TASP1: variants seen among roughly 807,000 people sequenced by gnomAD.
TASP1 encodes the protein threonine aspartase 1.
In TASP1, 16 loss-of-function variants were observed where a neutral mutation model predicts 56.6. That is an observed-to-expected ratio of 0.28 (90% CI 0.19 to 0.43). TASP1 has a LOEUF of 0.43. Among genes scored for constraint, TASP1 ranks in the 20% least tolerant of loss-of-function variants. The pLI is 1.00. For missense variants in TASP1, 393 were observed against 511.6 expected, an observed-to-expected ratio of 0.77 and a Z score of 2.24; for synonymous variants, 179 against 184.2, an observed-to-expected ratio of 0.97 and a Z score of 0.23.
At chr20:13,402,965 T>G (rs2041793132) in intron 13 of TASP1, among the ~76,000 whole-genome samples, 1 of 152,204 alleles carries the variant, frequency 6.6e-6, no homozygotes. Context: ...ATTACCTGGA[T>G]GGGTGAGCTT....
chr20:13,469,192 T>C (rs2044378218), intron 11 of TASP1, among the ~76,000 whole-genome samples: 1 of 152,184 alleles, frequency 6.6e-6, no homozygotes, highest in South Asian at 2.1e-4. Flanking sequence ...TATTACCAAA[T>C]TATTTCCAGT....
chr20:13,531,502 C>CT (rs1202792311), intron 9 of TASP1, among the ~76,000 whole-genome samples: 7 of 93,204 alleles, frequency 7.5e-5, no homozygotes, highest in African/African-American at 2.0e-4. Context: ...TTTTTTTTTT[C>CT]TTTTTTTTGA....
At chr20:13,162,116 A>G in the TASP1 span, among the ~76,000 whole-genome samples, 1 of 152,260 alleles carries the variant, frequency 6.6e-6, no homozygotes, top group East Asian at 1.9e-4. Flanking sequence ...AAAACTTTCA[A>G]GAAGTCTGAC....
the TASP1 span, among the ~76,000 whole-genome samples, chr20:13,334,357 T>C: frequency 1.3e-5 from 2 of 152,232 alleles, no homozygotes; most frequent in South Asian, 2.1e-4. Flanking sequence ...AATAATGCAT[T>C]TTGAAATGTG....
chr20:13,576,236 AGC>A, intron 6 of TASP1, among the ~76,000 whole-genome samples: 3 of 125,342 alleles, frequency 2.4e-5, no homozygotes, highest in East Asian at 2.5e-4. Flanking sequence ...AGGGGAGGGG[AGC>A]GGAGGGAAGG....
the TASP1 span, among the ~76,000 whole-genome samples, chr20:13,149,263 G>C: frequency 2.6e-5 from 4 of 152,218 alleles, no homozygotes; most frequent in East Asian, 7.7e-4. Flanking sequence ...GTCTTGAAGG[G>C]GATGTGGCCG....
At chr20:13,459,263 G>A (rs1408282024) in intron 11 of TASP1, among the ~76,000 whole-genome samples, 2 of 152,120 alleles carry the variant, frequency 1.3e-5, no homozygotes, top group African/African-American at 2.4e-5. Flanking sequence ...CACCTCTTGC[G>A]TGAACCTCAC....
chr20:13,320,617 G>A, the TASP1 span, among the ~76,000 whole-genome samples: 1 of 152,154 alleles, frequency 6.6e-6, no homozygotes, highest in Non-Finnish European at 1.5e-5. Flanking sequence ...CTCAAATAAG[G>A]TAGAAGCTTA....
the TASP1 span, among the ~76,000 whole-genome samples, chr20:13,227,682 G>A: frequency 1.3e-5 from 2 of 150,036 alleles, no homozygotes; most frequent in African/African-American, 4.9e-5. Context: ...CTAATTTTTT[G>A]TATTTTTAGT....
intron 11 of TASP1, among the ~76,000 whole-genome samples, chr20:13,445,745 C>G (rs1355037482): frequency 6.6e-6 from 1 of 152,166 alleles, no homozygotes; most frequent in Non-Finnish European, 1.5e-5. Flanking sequence ...CTGTTTCCAG[C>G]TGCTAGACCT....
chr20:13,360,956 C>T, the TASP1 span, among the ~76,000 whole-genome samples: 2 of 152,162 alleles, frequency 1.3e-5, no homozygotes, highest in Non-Finnish European at 2.9e-5. Flanking sequence ...CAGGCCTAAT[C>T]GCCACACACC....
chr20:13,418,557 G>GA (rs141713039), intron 12 of TASP1, among the ~76,000 whole-genome samples: 4,362 of 152,254 alleles, frequency 0.029, 204 homozygotes, highest in African/African-American at 0.097. Context: ...AATAAGTATA[G>GA]AAAAAATAAC....
intron 10 of TASP1, among the ~76,000 whole-genome samples, chr20:13,515,781 A>G (rs1420526503): frequency 6.6e-6 from 1 of 152,084 alleles, no homozygotes; most frequent in Non-Finnish European, 1.5e-5. Context: ...TGCCAGTATC[A>G]GACATACTAA....
the TASP1 span, among the ~76,000 whole-genome samples, chr20:13,308,104 A>T: frequency 6.6e-6 from 1 of 151,844 alleles, no homozygotes; most frequent in Non-Finnish European, 1.5e-5. Flanking sequence ...TGACTACTCC[A>T]CTCTGTGATC....
chr20:13,565,965 T>A (rs1187447506), intron 7 of TASP1, among the ~76,000 whole-genome samples: 2 of 152,062 alleles, frequency 1.3e-5, no homozygotes, highest in Non-Finnish European at 1.5e-5. Flanking sequence ...AGTGGATGAG[T>A]AGATAAACAA....
the TASP1 span, among the ~76,000 whole-genome samples, chr20:13,163,716 G>T: frequency 6.6e-6 from 1 of 151,730 alleles, no homozygotes. Context: ...AAAGAGGAAA[G>T]TCCATAAGAT....
At chr20:13,427,315 A>G (rs16993972) in intron 12 of TASP1, among the ~76,000 whole-genome samples, 4,030 of 152,336 alleles carry the variant, frequency 0.026, 82 homozygotes, top group Non-Finnish European at 0.041. Context: ...CTTTGGTAAC[A>G]GCAACAAAAC....
At chr20:13,109,918 T>A in the TASP1 span, among the ~76,000 whole-genome samples, 5 of 152,186 alleles carry the variant, frequency 3.3e-5, no homozygotes. Context: ...CAAATCCAAC[T>A]ATTTGTCTTG....
chr20:13,361,702 C>A, the TASP1 span, among the ~76,000 whole-genome samples: 1 of 152,138 alleles, frequency 6.6e-6, no homozygotes, highest in Non-Finnish European at 1.5e-5. Context: ...TAGTCATACT[C>A]CTATTCACCT....
Sources: allele counts gnomAD v4.1 joint callset (sites outside exome capture counted in the v4.1 genomes callset), GRCh38; gene constraint gnomAD v4.1.1; transcripts MANE v1.5; gene names NCBI Gene and HGNC (gene_info 2026-07-23, HGNC 2026-07-21).